The following ASTN2 variants were observed in gnomAD, a reference collection of about 807,000 sequenced individuals.
The protein encoded by ASTN2 is astrotactin 2.
Under a neutral mutation model 139.8 loss-of-function variants are expected in ASTN2, and 54 were observed. The observed-to-expected ratio is 0.39, with a 90% CI of 0.31 to 0.48. The LOEUF is 0.48. Ranked by LOEUF, ASTN2 falls within the 20% of genes least tolerant of loss-of-function variation. The pLI is 0.95. For synonymous variants in ASTN2, 756 were observed against 719.5 expected, an observed-to-expected ratio of 1.05 and a Z score of -0.81; for missense variants, 1,565 against 1,725.1, an observed-to-expected ratio of 0.91 and a Z score of 1.64.
At chr9:116,675,363 T>C (rs577271483) in intron 16 of ASTN2, among the ~76,000 whole-genome samples, 22 of 152,250 alleles carry the variant, frequency 1.4e-4, no homozygotes, top group Non-Finnish European at 3.1e-4. Flanking sequence ...AGCTGGTCTG[T>C]AGCCCTATGG....
chr9:116,647,058 C>G (rs1438304520), intron 17 of ASTN2, among the ~76,000 whole-genome samples: 1 of 152,296 alleles, frequency 6.6e-6, no homozygotes, highest in Non-Finnish European at 1.5e-5. Flanking sequence ...AAACCTCAGT[C>G]TTCCATATTC....
chr9:117,055,017 A>G (rs1261052089), intron 5 of ASTN2, among the ~76,000 whole-genome samples: 1 of 152,168 alleles, frequency 6.6e-6, no homozygotes, highest in African/African-American at 2.4e-5. Context: ...GCTGATCTGA[A>G]AAGAGGCGGA....
chr9:116,791,207 T>A (rs1278986918), intron 13 of ASTN2, among the ~76,000 whole-genome samples: 1 of 152,206 alleles, frequency 6.6e-6, no homozygotes, highest in Non-Finnish European at 1.5e-5. Context: ...CAATAAAAAC[T>A]CGTTAACTCA....
chr9:117,180,597 G>A (rs1380858775), intron 3 of ASTN2: 12 of 1,021,090 alleles, frequency 1.2e-5, no homozygotes, highest in Non-Finnish European at 1.7e-5. Flanking sequence ...TATGCACCGA[G>A]CACCATTCTA....
chr9:117,351,769 T>C (rs7857475), intron 1 of ASTN2, among the ~76,000 whole-genome samples: 130,548 of 152,096 alleles, frequency 0.86, 56,237 homozygotes, highest in East Asian at 0.99. Context: ...TTTCTTCATG[T>C]GTGCTTTAGA....
chr9:117,171,103 G>A (rs1588038539), intron 3 of ASTN2, among the ~76,000 whole-genome samples: 1 of 151,980 alleles, frequency 6.6e-6, no homozygotes, highest in Admixed American at 6.6e-5. Flanking sequence ...TAACTTCTCA[G>A]GATGCTAGCA....
At chr9:117,161,324 G>T (rs1830546389) in intron 3 of ASTN2, among the ~76,000 whole-genome samples, 1 of 152,026 alleles carries the variant, frequency 6.6e-6, no homozygotes, top group Admixed American at 6.6e-5. Flanking sequence ...AGGGCTGGGG[G>T]TTAAAAGTGA....
rs11336686 is a variant in ASTN2 at position 117,230,116 on chromosome 9, TAAA to T, written c.631-15377_631-15375del. The stretch of plus-strand genomic sequence containing the variant: ...AGGAGTTTGAGGTAAGACTCTATCT[TAAA>T]AAAAAAAAAAAGCCCTATTGATCCT... On this transcript the variant is annotated intron_variant, in intron 2 of 22. Coordinates refer to ENST00000313400, the MANE Select transcript of ASTN2 (RefSeq NM_001365068.1). Among the ~76,000 whole-genome samples, 174 of 138,656 alleles carry T rather than the reference TAAA, an allele frequency of 1.3e-3. 1 individual carries two copies. Among genetic ancestry groups the T allele is most frequent in the African/African-American group, 4.2e-3 (157 of 37,280 alleles). The allele number at this position is 138,656 out of a possible 152,430, so 91.0% of individuals were successfully genotyped here.
intron 2 of ASTN2, among the ~76,000 whole-genome samples, chr9:117,245,641 C>T (rs1833357906): frequency 6.6e-6 from 1 of 152,146 alleles, no homozygotes; most frequent in Admixed American, 6.5e-5. Flanking sequence ...ACCCTGAATG[C>T]ACTGGGTGAT....
At chr9:116,880,792 G>A (rs1338619584) in intron 10 of ASTN2, among the ~76,000 whole-genome samples, 1 of 152,092 alleles carries the variant, frequency 6.6e-6, no homozygotes, top group Non-Finnish European at 1.5e-5. Context: ...AATTTCTTAA[G>A]GACTTACTAG....
At chr9:117,294,761 A>C (rs1274452186) in intron 1 of ASTN2, among the ~76,000 whole-genome samples, 1 of 152,074 alleles carries the variant, frequency 6.6e-6, no homozygotes, top group African/African-American at 2.4e-5. Context: ...CCTTCTTCAC[A>C]CACTCCATCC....
In ASTN2 at chr9:117,056,941, T is replaced by A. The variant is rs61261733; in HGVS notation, c.1277-16976A>T. Among the ~76,000 whole-genome samples the A allele has an allele frequency of 3.2e-3, 493 of 152,198 alleles. 2 individuals are homozygous for A. Among genetic ancestry groups the A allele is most frequent in the African/African-American group, 0.011 (453 of 41,540 alleles). ...GAATCACGTCTTTCAAAGCCTCATATCCCCATATGTAAAACAGAACTAATA... is the reference window on the plus strand; with the variant it reads ...GAATCACGTCTTTCAAAGCCTCATAACCCCATATGTAAAACAGAACTAATA... On this transcript the variant is annotated intron_variant, in intron 5 of 22. Coordinates refer to ENST00000313400, the MANE Select transcript of ASTN2 (RefSeq NM_001365068.1).
chr9:116,468,858 G>T (rs1240483445), intron 20 of ASTN2, among the ~76,000 whole-genome samples: 1 of 152,162 alleles, frequency 6.6e-6, no homozygotes, highest in Admixed American at 6.5e-5. Context: ...TTGAGTAGGG[G>T]TTGCAAATGT....
intron 10 of ASTN2, among the ~76,000 whole-genome samples, chr9:116,944,272 T>G (rs1178217569): frequency 1.3e-5 from 2 of 152,054 alleles, no homozygotes; most frequent in African/African-American, 4.8e-5. Context: ...GATGGAGAGA[T>G]CTACACAAAT....
At chr9:116,503,900 A>T (rs1446505809) in intron 19 of ASTN2, among the ~76,000 whole-genome samples, 1 of 152,136 alleles carries the variant, frequency 6.6e-6, no homozygotes, top group African/African-American at 2.4e-5. Context: ...AGAGAGACCA[A>T]GAACCCACAG....
intron 16 of ASTN2, among the ~76,000 whole-genome samples, chr9:116,691,007 C>T (rs527961381): frequency 2.0e-5 from 3 of 152,252 alleles, no homozygotes; most frequent in African/African-American, 7.2e-5. Flanking sequence ...GCAGCCTCAA[C>T]CTCCTAGGCT....
intron 2 of ASTN2, among the ~76,000 whole-genome samples, chr9:117,233,428 G>A (rs1832954262): frequency 6.6e-6 from 1 of 152,160 alleles, no homozygotes; most frequent in African/African-American, 2.4e-5. Context: ...GACTCCCAGG[G>A]TGGTTGGGAG....
At chr9:117,049,739 A>C (rs2132665666) in intron 5 of ASTN2, among the ~76,000 whole-genome samples, 1 of 152,324 alleles carries the variant, frequency 6.6e-6, no homozygotes, top group East Asian at 1.9e-4. Flanking sequence ...TTAGAAGAAA[A>C]TAGAATTTTA....
At chr9:116,601,228 GAGA>G (rs1854881585) in intron 19 of ASTN2, among the ~76,000 whole-genome samples, 1 of 152,170 alleles carries the variant, frequency 6.6e-6, no homozygotes, top group Admixed American at 6.5e-5. Flanking sequence ...CAATAGTAGA[GAGA>G]AGAAGTAGGT....
Sources: gnomAD v4.1 joint callset for allele counts (sites outside exome capture counted in the v4.1 genomes callset) on GRCh38, gnomAD v4.1.1 for gene constraint, MANE v1.5 for transcripts, NCBI Gene and HGNC (gene_info 2026-07-23, HGNC 2026-07-21) for gene names.